Variants in DEPDC5 observed in about 807,000 individuals in gnomAD.
DEPDC5 encodes the protein GATOR1 complex protein DEPDC5.
Under a neutral mutation model 217.3 loss-of-function variants are expected in DEPDC5, and 73 were observed. The observed-to-expected ratio is 0.34, with a 90% confidence interval of 0.28 to 0.41. DEPDC5 has a LOEUF of 0.41. DEPDC5 is among the 10% of genes least tolerant of loss of function. The probability of loss-of-function intolerance (pLI) is 1.00; values close to 1 mark genes in which losing one functional copy is unlikely to be tolerated. For synonymous variants in DEPDC5, 733 were observed against 756.7 expected, an observed-to-expected ratio of 0.97 and a Z score of 0.51; for missense variants, 1,675 against 2,070.1, an observed-to-expected ratio of 0.81 and a Z score of 3.70.
chr22:31,888,375 G>C (rs1016303319), intron 38 of DEPDC5, among the ~76,000 whole-genome samples: 5 of 135,884 alleles, frequency 3.7e-5, no homozygotes, highest in African/African-American at 1.4e-4. Flanking sequence ...TCAGCCTCCC[G>C]AGTAGCTGGG....
Position 31,873,241 on chromosome 22 carries a change from AC to A in DEPDC5, c.3486-11del. 6.2e-7 allele frequency: 1 copy of A among 1,613,816 alleles called. No individual in the cohort carries two copies. The highest frequency in any genetic ancestry group is 8.5e-7 in the Non-Finnish European group (1 of 1,179,888). On this transcript the variant is annotated splice_polypyrimidine_tract_variant and intron_variant, in intron 34 of 42. Coordinates refer to ENST00000651528, the MANE Select transcript of DEPDC5 (RefSeq NM_001242896.3). ...TGCCATCTTGCTTTGCTGACCTGACACCCTGTGTTACAGCTCTCAGCAGCTG... is the reference window on the plus strand; with the variant it reads ...TGCCATCTTGCTTTGCTGACCTGACACCTGTGTTACAGCTCTCAGCAGCTG...
In DEPDC5 at chr22:31,758,451, A is replaced by G. The variant is rs2082115497; in HGVS notation, c.59-95A>G. 7.2e-6 allele frequency: 8 copies of G among 1,114,822 alleles called. No homozygotes were observed. The Admixed American group carries it at 1.1e-4, about 15-fold the overall frequency. 69.1% of individuals were successfully genotyped at this position (1,114,822 alleles called of 1,614,324 possible). On this transcript the variant is annotated intron_variant, in intron 2 of 42. Coordinates refer to ENST00000651528, the MANE Select transcript of DEPDC5 (RefSeq NM_001242896.3). ...AACCTCATCTGTCAATGGGGTGGCA[A>G]TACCATCCTGATGGGGTTGTGAGGA...
intron 33 of DEPDC5, among the ~76,000 whole-genome samples, chr22:31,866,280 A>G (rs967255146): frequency 6.6e-6 from 1 of 151,422 alleles, no homozygotes; most frequent in Non-Finnish European, 1.5e-5. Flanking sequence ...GGATTTTGCC[A>G]TTTTTTTCAA....
At chr22:31,845,318 A>G in intron 30 of DEPDC5, 81 bp downstream of exon 30, 1 of 1,504,928 alleles carries the variant, frequency 6.6e-7, no homozygotes, top group South Asian at 1.2e-5. Context: ...GCCTCTCATC[A>G]TCAGCCTACT....
intron 40 of DEPDC5, among the ~76,000 whole-genome samples, chr22:31,900,688 G>A (rs992355198): frequency 4.0e-5 from 6 of 151,452 alleles, no homozygotes; most frequent in Admixed American, 2.0e-4. Flanking sequence ...GTGGTGAGCC[G>A]AGATCGTGCC....
At chr22:31,843,890 CT>C in intron 29 of DEPDC5, 78 bp downstream of exon 29, 9 of 1,391,532 alleles carry the variant, frequency 6.5e-6, no homozygotes, top group African/African-American at 1.4e-5. Context: ...ACTTTCTGCC[CT>C]TTCTCTCTCT....
chr22:31,827,670 T>C (rs1162280100), intron 24 of DEPDC5, among the ~76,000 whole-genome samples: 1 of 151,728 alleles, frequency 6.6e-6, no homozygotes, highest in Non-Finnish European at 1.5e-5. Flanking sequence ...TCATGTCATG[T>C]GGCTGCTTGT....
At position 31,906,765 on chromosome 22, in the gene DEPDC5, A is replaced by T. The variant is rs978433005; in HGVS notation, c.*268A>T. On this transcript the variant is annotated 3_prime_UTR_variant, in exon 43 of 43. Transcript: ENST00000651528. This position sits in a 1 kb window ranked among gnomAD's most constrained non-coding sequence, Gnocchi z 5.1. ...TGCTCAGAGCAGGTGGGAGGCACAG[A>T]TTGTCCGTGGGAGGGCTCCAGTGTC... 5.6e-6 allele frequency: 3 copies of T among 540,192 alleles called. No individual in the cohort carries two copies. Among genetic ancestry groups the T allele is most frequent in the Non-Finnish European group, 6.6e-6 (2 of 303,338 alleles). 33.5% of individuals were successfully genotyped at this position (540,192 alleles called of 1,614,324 possible). A position where few individuals can be genotyped will look rare whatever the true frequency, so the allele number is the denominator to read the frequency against.
intron 13 of DEPDC5, among the ~76,000 whole-genome samples, 191 bp from the exon 14 acceptor site, chr22:31,798,391 G>T (rs1016275222): frequency 2.0e-5 from 3 of 152,144 alleles, no homozygotes; most frequent in South Asian, 4.2e-4. Context: ...GGTGGCGTGC[G>T]CCTGTAGTCC....
intron 10 of DEPDC5, among the ~76,000 whole-genome samples, chr22:31,789,999 T>A (rs925664604): frequency 6.6e-6 from 1 of 152,146 alleles, no homozygotes; most frequent in Non-Finnish European, 1.5e-5. Context: ...ACCACATCAC[T>A]TATGAGTTGA....
intron 33 of DEPDC5, among the ~76,000 whole-genome samples, chr22:31,869,327 A>AGAT (rs1264332709): frequency 6.6e-6 from 1 of 151,782 alleles, no homozygotes; most frequent in Admixed American, 6.6e-5. Context: ...GTAGAGAGGG[A>AGAT]GATGGATCTC....
chr22:31,878,147 A>T (rs2149282191), intron 37 of DEPDC5, among the ~76,000 whole-genome samples: 1 of 151,690 alleles, frequency 6.6e-6, no homozygotes, highest in Admixed American at 6.6e-5. Flanking sequence ...AGATCATGCC[A>T]CTGCACTCCA....
At chr22:31,760,536 G>A in intron 3 of DEPDC5, 120 bp from the exon 4 acceptor site, 1 of 822,192 alleles carries the variant, frequency 1.2e-6, no homozygotes, top group Non-Finnish European at 1.9e-6. Context: ...GCTTTCTCCC[G>A]TTGTTGTGCT....
intron 15 of DEPDC5, 132 bp from the exon 16 acceptor site, chr22:31,804,030 C>G (rs1214865020): frequency 2.5e-6 from 2 of 788,374 alleles, no homozygotes; most frequent in Non-Finnish European, 4.2e-6. Context: ...ATAGGCAGCA[C>G]TATGAGGTTA....
At chr22:31,765,087 T>C in intron 5 of DEPDC5, 27 bp downstream of exon 5, 2 of 1,574,482 alleles carry the variant, frequency 1.3e-6, no homozygotes, top group South Asian at 1.1e-5. Context: ...TACTTGAATA[T>C]CTTTTTGGAA....
At position 31,885,750 on chromosome 22, in the gene DEPDC5, G is replaced by C. The variant is rs557987982; in HGVS notation, c.4033+5998G>C. 3.7e-5 allele frequency among the ~76,000 whole-genome samples: 5 copies of C among 133,738 alleles called. No individual in the cohort carries two copies. In the East Asian group the frequency reaches 6.9e-4, roughly 18 times the overall value. The allele number at this position is 133,738 out of a possible 152,430, so 87.7% of individuals were successfully genotyped here. A position where few individuals can be genotyped will look rare whatever the true frequency, so the allele number is the denominator to read the frequency against. ...AAAAAAAAAAAAAAAAAAGAGACAGGGTTGGCCAGGCACAGTGGCTCACGC... is the reference window on the plus strand; with the variant it reads ...AAAAAAAAAAAAAAAAAAGAGACAGCGTTGGCCAGGCACAGTGGCTCACGC... On this transcript the variant is annotated intron_variant, in intron 38 of 42. Transcript: ENST00000651528.
At chr22:31,761,493 T>C (rs2148040748) in intron 4 of DEPDC5, among the ~76,000 whole-genome samples, 1 of 152,102 alleles carries the variant, frequency 6.6e-6, no homozygotes, top group African/African-American at 2.4e-5. Flanking sequence ...AGTTCTCTTC[T>C]TATCAAACTA....
chr22:31,774,063 C>G (rs2083593507), intron 7 of DEPDC5, among the ~76,000 whole-genome samples: 1 of 151,982 alleles, frequency 6.6e-6, no homozygotes, highest in Non-Finnish European at 1.5e-5. Context: ...AAGAACGAAA[C>G]CCTGTCTCAA....
intron 33 of DEPDC5, among the ~76,000 whole-genome samples, chr22:31,866,587 T>C (rs1256145018): frequency 6.6e-6 from 1 of 152,224 alleles, no homozygotes; most frequent in Non-Finnish European, 1.5e-5. Context: ...GGTTTCACCA[T>C]GTTGGCCAGG....
Sources: allele counts gnomAD v4.1 joint callset (sites outside exome capture counted in the v4.1 genomes callset), GRCh38; gene constraint gnomAD v4.1.1; non-coding constraint Gnocchi (gnomAD v3.1); transcripts MANE v1.5; gene names NCBI Gene and HGNC (gene_info 2026-07-23, HGNC 2026-07-21).